The following CD81 variants were observed in gnomAD, a reference collection of about 807,000 sequenced individuals.
CD81 encodes the protein CD81 antigen.
Under a neutral mutation model 30.1 loss-of-function variants are expected in CD81, and 10 were observed. The observed-to-expected ratio is 0.33, with a 90% CI of 0.21 to 0.56. The LOEUF (loss-of-function observed/expected upper bound fraction) is 0.56, where lower values mean the gene tolerates loss of function less well. CD81 is among the 20% of genes least tolerant of loss of function. CD81 has a pLI of 0.89. For missense variants in CD81, 263 were observed against 308.7 expected (o/e 0.85, Z 1.11); for synonymous variants, 147 against 126.4 (o/e 1.16, Z -1.10).
intron 2 of CD81, 116 bp from the exon 3 acceptor site, chr11:2,393,979 C>A: frequency 3.8e-6 from 3 of 796,482 alleles, no homozygotes; most frequent in Middle Eastern, 2.2e-4. Context: ...TGGCAGTCAG[C>A]AACCCTACAT....
chr11:2,393,678 C>T, intron 2 of CD81: 1 of 582,190 alleles, frequency 1.7e-6, no homozygotes, highest in Non-Finnish European at 3.1e-6. Flanking sequence ...CACCCTGTGC[C>T]TTCTGATGCC....
intron 1 of CD81, among the ~76,000 whole-genome samples, chr11:2,379,945 C>T (rs879563511): frequency 1.3e-5 from 2 of 152,188 alleles, no homozygotes; most frequent in Non-Finnish European, 2.9e-5. Flanking sequence ...AGCACAGTGC[C>T]ATGGGCTTGG....
At chr11:2,384,302 G>A (rs1402144619) in intron 1 of CD81, among the ~76,000 whole-genome samples, 12 of 148,542 alleles carry the variant, frequency 8.1e-5, no homozygotes, top group African/African-American at 3.0e-4. Context: ...CTTGTGGGGC[G>A]GGGCGCCTTG....
intron 4 of CD81, 73 bp from the exon 5 acceptor site, chr11:2,395,343 G>A (rs1464133381): frequency 1.8e-5 from 23 of 1,253,362 alleles, no homozygotes; most frequent in African/African-American, 5.9e-5. Flanking sequence ...AAGTGCGTCC[G>A]CCTGGGGCGG....
intron 1 of CD81, among the ~76,000 whole-genome samples, chr11:2,384,252 A>G (rs764849190): frequency 1.2e-4 from 18 of 150,738 alleles, no homozygotes; most frequent in Non-Finnish European, 2.5e-4. Flanking sequence ...GCCACCCTCC[A>G]TCCCCAATCC....
In CD81 at chr11:2,385,596, G is replaced by T. The variant is rs1331889890; in HGVS notation, c.67-4816G>T. ...CTGTGGCGTGCCCGTCGTCTGTGTG[G>T]CATGCCTGTCTGTGCACCCGTGCTG... is the stretch of plus-strand genomic sequence containing the variant. On this transcript the variant is annotated intron_variant, in intron 1 of 7. Coordinates refer to ENST00000263645, the MANE Select transcript of CD81 (RefSeq NM_004356.4). The T allele has an allele frequency of 9.2e-4, 204 of 221,398 alleles. 17 individuals are homozygous for T. Among genetic ancestry groups the T allele is most frequent in the Middle Eastern group, 9.7e-4 (1 of 1,034 alleles). 13.7% of individuals were successfully genotyped at this position (221,398 alleles called of 1,614,324 possible).
intron 1 of CD81, chr11:2,384,623 G>A (rs751548574): frequency 4.0e-5 from 7 of 175,684 alleles, no homozygotes; most frequent in South Asian, 1.5e-4. Flanking sequence ...CTCAGAGGGC[G>A]CCTCCGGAGG....
At chr11:2,387,307 C>G (rs1849814548) in intron 1 of CD81, among the ~76,000 whole-genome samples, 1 of 152,216 alleles carries the variant, frequency 6.6e-6, no homozygotes, top group South Asian at 2.1e-4. Context: ...GTCACCAGGC[C>G]TCTGTGGGGA....
At chr11:2,379,055 T>G (rs1589844059) in intron 1 of CD81, 2 of 432,512 alleles carry the variant, frequency 4.6e-6, no homozygotes. Context: ...TGGGGGCAGC[T>G]AGGCCATTTG....
Position 2,396,859 on chromosome 11 carries a change from T to G in CD81, c.704T>G (p.Val235Gly), listed in dbSNP as rs1381126135. Residue 235 changes from valine to glycine, a missense_variant, in exon 8 of 8, where the codon GTG becomes GGG. Physicochemically the swap from Val to Gly is moderately radical, Grantham distance 109. This residue lies in a region of CD81 where 176 missense variants were observed against 192.9 expected (regional missense o/e 0.91). Coordinates refer to ENST00000263645, the MANE Select transcript of CD81 (RefSeq NM_004356.4). ...VLCCGIRNSS[V>G]Y ...TGCTGTGGCATCCGGAACAGCTCCG[T>G]GTACTGAGGCCCCGCAGCTCTGGCC... The G allele has an allele frequency of 6.2e-7, 1 of 1,612,702 alleles. No homozygotes were observed.
rs774235346 is a variant in CD81, at chr11:2,396,867, G to C, written c.*1G>C. On this transcript the variant is annotated 3_prime_UTR_variant, in exon 8 of 8. Transcript: ENST00000263645. ...CATCCGGAACAGCTCCGTGTACTGAGGCCCCGCAGCTCTGGCCACAGGGAC... is the reference window on the plus strand; with the variant it reads ...CATCCGGAACAGCTCCGTGTACTGACGCCCCGCAGCTCTGGCCACAGGGAC... 4.3e-6 allele frequency: 7 copies of C among 1,612,498 alleles called. No homozygotes were observed. Among genetic ancestry groups the C allele is most frequent in the Non-Finnish European group, 5.9e-6 (7 of 1,180,004 alleles).
Position 2,397,048 on chromosome 11 carries a change from G to A in CD81, c.*182G>A, listed in dbSNP as rs955309220. On this transcript the variant is annotated 3_prime_UTR_variant, in exon 8 of 8. Coordinates refer to ENST00000263645, the MANE Select transcript of CD81 (RefSeq NM_004356.4). ...TTCCTGTTACCTTTTCAGGGCTGAC[G>A]TCACATGTAGGTGGCGTGTATGAGT... 11 of 662,952 alleles carry A rather than the reference G, an allele frequency of 1.7e-5. No homozygotes were observed. Among genetic ancestry groups the A allele is most frequent in the South Asian group, 5.2e-5 (3 of 57,540 alleles). The allele number at this position is 662,952 out of a possible 1,614,324, so 41.1% of individuals were successfully genotyped here.
chr11:2,391,758 A>C (rs1360999160), intron 2 of CD81: 2 of 152,232 alleles, frequency 1.3e-5, no homozygotes, highest in Non-Finnish European at 2.9e-5. Flanking sequence ...CCAGGGGCTC[A>C]TGTGGAGACC....
At chr11:2,382,064 C>G (rs1031842135) in intron 1 of CD81, among the ~76,000 whole-genome samples, 12 of 152,198 alleles carry the variant, frequency 7.9e-5, no homozygotes, top group African/African-American at 2.9e-4. Context: ...AGGTAGGCCC[C>G]CAGTGCTGGA....
rs561403464 is a variant in CD81, at chr11:2,395,345, C to T, written c.355-71C>T. On this transcript the variant is annotated intron_variant, in intron 4 of 7. Transcript: ENST00000263645. ...GAGAGCCTGGGAAAAGTGCGTCCGC[C>T]TGGGGCGGGGCGGGGTGGGGGCAAG... The T allele has an allele frequency of 4.8e-6, 6 of 1,245,048 alleles. No homozygotes were observed. The African/African-American group carries it at 6.0e-5, about 12-fold the overall frequency. The allele number at this position is 1,245,048 out of a possible 1,614,324, so 77.1% of individuals were successfully genotyped here. A position where few individuals can be genotyped will look rare whatever the true frequency, so the allele number is the denominator to read the frequency against.
At chr11:2,394,797 G>A (rs1849966965) in intron 3 of CD81, 175 bp from the exon 4 acceptor site, 4 of 693,458 alleles carry the variant, frequency 5.8e-6, no homozygotes, top group African/African-American at 1.8e-5. Context: ...CCTGCGCTGA[G>A]TTTTAGCCTC....
chr11:2,386,436 G>T (rs1462538354), intron 1 of CD81: 1 of 672,272 alleles, frequency 1.5e-6, no homozygotes, highest in Non-Finnish European at 2.8e-6. Flanking sequence ...CCACCACGGG[G>T]CTTGGGGATT....
chr11:2,382,460 T>C (rs1198520648), intron 1 of CD81: 1 of 152,252 alleles, frequency 6.6e-6, no homozygotes, highest in Non-Finnish European at 1.5e-5. Flanking sequence ...TCTCTGGTCA[T>C]GTGCTCTCCC....
chr11:2,386,620 C>G, intron 1 of CD81: 2 of 717,228 alleles, frequency 2.8e-6, no homozygotes, highest in Non-Finnish European at 2.6e-6. Context: ...CATGCTAGGG[C>G]TGGGAAGACC....
Sources: gnomAD v4.1 joint callset for allele counts (sites outside exome capture counted in the v4.1 genomes callset) on GRCh38, gnomAD v4.1.1 for gene constraint, gnomAD v4.1.1 regional missense constraint, MANE v1.5 for transcripts, NCBI Gene and HGNC (gene_info 2026-07-23, HGNC 2026-07-21) for gene names.